MAF: variants seen among roughly 807,000 people sequenced by gnomAD.
MAF encodes MAF bZIP transcription factor, also known as transcription factor Maf.
A neutral mutation model predicts 22.0 loss-of-function variants in MAF; 10 were observed. That is an observed-to-expected ratio of 0.45 (90% CI 0.28 to 0.77). MAF has a LOEUF of 0.77. Among genes scored for constraint, MAF ranks in the 30% least tolerant of loss-of-function variants. The pLI, the probability that MAF is intolerant of heterozygous loss-of-function variation, is 0.12. For synonymous variants in MAF, 337 were observed against 255.8 expected (o/e 1.32, Z -3.03); for missense variants, 544 against 548.4 (o/e 0.99, Z 0.08).
the MAF span, among the ~76,000 whole-genome samples, chr16:79,544,169 C>G: frequency 6.6e-6 from 1 of 152,190 alleles, no homozygotes; most frequent in Non-Finnish European, 1.5e-5. Flanking sequence ...AGAATATACA[C>G]TAAAATAAGA....
In MAF at chr16:79,599,017, G is replaced by A. The variant is rs1466135150; in HGVS notation, c.886C>T (p.Leu296=). ...VIRLKQKRRT[L]KNRGYAQSCR... is the part of the protein sequence containing the mutation. ...GACTGGGCATAGCCGCGGTTTTTCAGGGTCCGCCTCTTCTGCTTCAGCCGG... is the reference window on the plus strand; with the variant it reads ...GACTGGGCATAGCCGCGGTTTTTCAAGGTCCGCCTCTTCTGCTTCAGCCGG... The change falls in exon 1 of 2, where the codon CTG becomes TTG. Residue 296 remains leucine (L), a synonymous_variant. Coordinates refer to ENST00000326043, the MANE Select transcript of MAF (RefSeq NM_005360.5). 7 of 1,613,506 alleles carry A rather than the reference G, an allele frequency of 4.3e-6. No homozygotes were observed. The Admixed American group carries it at 5.0e-5, about 12-fold the overall frequency.
At chr16:79,398,783 T>C in the MAF span, among the ~76,000 whole-genome samples, 1 of 152,166 alleles carries the variant, frequency 6.6e-6, no homozygotes, top group African/African-American at 2.4e-5. Flanking sequence ...ATTCTCTTAC[T>C]CATTTTTTGC....
At chr16:79,374,579 G>A in the MAF span, among the ~76,000 whole-genome samples, 1 of 152,130 alleles carries the variant, frequency 6.6e-6, no homozygotes, top group Non-Finnish European at 1.5e-5. Flanking sequence ...ATTCAGCAAG[G>A]ATTTATTGAT....
the MAF span, among the ~76,000 whole-genome samples, chr16:79,421,777 T>G: frequency 6.6e-6 from 1 of 151,732 alleles, no homozygotes; most frequent in African/African-American, 2.4e-5. Context: ...TGAATTCTTT[T>G]GTTTTGTTTT....
the MAF span, among the ~76,000 whole-genome samples, chr16:79,451,883 C>T: frequency 1.3e-5 from 2 of 152,168 alleles, no homozygotes; most frequent in Non-Finnish European, 2.9e-5. Flanking sequence ...ATATTCATTT[C>T]AAACTAGGTA....
chr16:79,414,969 G>A, the MAF span, among the ~76,000 whole-genome samples: 1 of 152,206 alleles, frequency 6.6e-6, no homozygotes, highest in Non-Finnish European at 1.5e-5. Context: ...AGAGACCACA[G>A]GAAATTCTGC....
At chr16:79,532,918 T>A in the MAF span, among the ~76,000 whole-genome samples, 22 of 152,164 alleles carry the variant, frequency 1.4e-4, 1 homozygote, top group Admixed American at 1.4e-3. Context: ...TATCCAAATA[T>A]CCAATATCAT....
chr16:79,524,193 G>T, the MAF span, among the ~76,000 whole-genome samples: 1 of 152,120 alleles, frequency 6.6e-6, no homozygotes, highest in Non-Finnish European at 1.5e-5. Flanking sequence ...CAGTTTCAAC[G>T]GGAGAGCAGG....
At chr16:79,444,643 T>G in the MAF span, among the ~76,000 whole-genome samples, 1 of 152,222 alleles carries the variant, frequency 6.6e-6, no homozygotes, top group African/African-American at 2.4e-5. Context: ...GCATGTTTAG[T>G]GCACCACGAG....
chr16:79,350,109 A>G, the MAF span, among the ~76,000 whole-genome samples: 3 of 151,714 alleles, frequency 2.0e-5, no homozygotes, highest in South Asian at 2.1e-4. Context: ...CTTCTCCCCA[A>G]CCCCAGCTCT....
At chr16:79,583,709 A>T (rs1336401676), downstream of MAF, among the ~76,000 whole-genome samples, 1 of 152,220 alleles carries the variant, frequency 6.6e-6, no homozygotes, top group Non-Finnish European at 1.5e-5. Context: ...TCTCCTTGTC[A>T]CAACTCAAGA....
the MAF span, among the ~76,000 whole-genome samples, chr16:79,438,425 C>T: frequency 1.3e-5 from 2 of 152,306 alleles, no homozygotes; most frequent in South Asian, 4.1e-4. Context: ...GGGTAAGAGA[C>T]AGCGCCCGGC....
the MAF span, among the ~76,000 whole-genome samples, chr16:79,237,287 G>C: frequency 1.3e-5 from 2 of 152,086 alleles, no homozygotes; most frequent in African/African-American, 2.4e-5. Context: ...TAAATCCCGG[G>C]CACCATTAAC....
At chr16:79,369,527 C>T in the MAF span, among the ~76,000 whole-genome samples, 2 of 152,230 alleles carry the variant, frequency 1.3e-5, no homozygotes, top group African/African-American at 4.8e-5. Flanking sequence ...ATTTTCATGA[C>T]ACTTAGCTCA....
chr16:79,222,467 G>A, the MAF span, among the ~76,000 whole-genome samples: 1 of 151,826 alleles, frequency 6.6e-6, no homozygotes, highest in Non-Finnish European at 1.5e-5. Context: ...ATAATGACAG[G>A]ATCAAATTCA....
chr16:79,284,328 C>G, the MAF span, among the ~76,000 whole-genome samples: 1 of 152,206 alleles, frequency 6.6e-6, no homozygotes, highest in Admixed American at 6.5e-5. Flanking sequence ...AGGACGGGTA[C>G]TACTTCCACA....
At chr16:79,211,541 C>A in the MAF span, 3 of 1,604,656 alleles carry the variant, frequency 1.9e-6, no homozygotes, top group Non-Finnish European at 2.6e-6. Flanking sequence ...CCCAGGCAGT[C>A]GAAATGACGC....
At chr16:79,395,998 C>T in the MAF span, among the ~76,000 whole-genome samples, 10 of 152,162 alleles carry the variant, frequency 6.6e-5, no homozygotes, top group African/African-American at 2.2e-4. Context: ...TCCGGCTCTC[C>T]AAGGGGAAGC....
chr16:79,406,068 C>A, the MAF span, among the ~76,000 whole-genome samples: 1 of 152,208 alleles, frequency 6.6e-6, no homozygotes, highest in East Asian at 1.9e-4. Context: ...AACTCCCTCA[C>A]CTCTGAGGCT....
Sources: gnomAD v4.1 joint callset for allele counts (sites outside exome capture counted in the v4.1 genomes callset) on GRCh38, gnomAD v4.1.1 for gene constraint, MANE v1.5 for transcripts, NCBI Gene and HGNC (gene_info 2026-07-23, HGNC 2026-07-21) for gene names.